SLC36A4: variants seen among roughly 807,000 people sequenced by gnomAD.
The protein encoded by SLC36A4 is solute carrier family 36 member 4.
A neutral mutation model predicts 50.5 loss-of-function variants in SLC36A4; 49 were observed. That is an observed-to-expected ratio of 0.97 (90% confidence interval 0.77 to 1.23). SLC36A4 has a LOEUF of 1.23. SLC36A4 is among the 50% of genes most tolerant of loss of function. SLC36A4 has a pLI of 0.00. For synonymous variants in SLC36A4, 207 were observed against 206.5 expected (o/e 1.00, Z -0.02); for missense variants, 611 against 608.4 (o/e 1.00, Z -0.05).
At chr11:93,186,682 GT>G in intron 1 of SLC36A4, among the ~76,000 whole-genome samples, 1 of 152,030 alleles carries the variant, frequency 6.6e-6, no homozygotes. Flanking sequence ...TACATATGAT[GT>G]TTTTCATACT....
intron 10 of SLC36A4, chr11:93,152,623 A>C (rs555512054): frequency 1.3e-5 from 2 of 152,276 alleles, no homozygotes; most frequent in African/African-American, 2.4e-5. Flanking sequence ...TCATGGAAGC[A>C]GATGTGGCGT....
At chr11:93,177,708 G>T (rs1403993915) in intron 6 of SLC36A4, among the ~76,000 whole-genome samples, 1 of 152,136 alleles carries the variant, frequency 6.6e-6, no homozygotes, top group Admixed American at 6.5e-5. Context: ...AACGGCAAAC[G>T]TTCCTGCCTG....
In SLC36A4 at chr11:93,148,368, AGGTTT is replaced by A; in HGVS notation, c.*164_*168del. 1 of 562,068 alleles carries A rather than the reference AGGTTT, an allele frequency of 1.8e-6. No homozygotes were observed. Among genetic ancestry groups the A allele is most frequent in the Non-Finnish European group, 3.0e-6 (1 of 332,994 alleles). The allele number at this position is 562,068 out of a possible 1,614,324, so 34.8% of individuals were successfully genotyped here. On this transcript the variant is annotated 3_prime_UTR_variant, in exon 11 of 11. Transcript: ENST00000326402. ...ACACTTAAAAGCAAGGATTTTTCATAGGTTTACCACTACTGGTAAAGAGTTATGAT... is the reference window on the plus strand; with the variant it reads ...ACACTTAAAAGCAAGGATTTTTCATAACCACTACTGGTAAAGAGTTATGAT...
Position 93,148,483 on chromosome 11 carries a change from C to G in SLC36A4, c.*54G>C. On this transcript the variant is annotated 3_prime_UTR_variant, in exon 11 of 11. Coordinates refer to ENST00000326402, the MANE Select transcript of SLC36A4 (RefSeq NM_152313.4). Reference sequence around the variant, plus strand: ...TATAGCAATGTATTTTACTAGTTATCTTGATAATTTTCAGAAATGGGACAA... The same window carrying G: ...TATAGCAATGTATTTTACTAGTTATGTTGATAATTTTCAGAAATGGGACAA... 1 of 1,467,980 alleles carries G rather than the reference C, an allele frequency of 6.8e-7. No homozygotes were observed. Among genetic ancestry groups the G allele is most frequent in the Non-Finnish European group, 9.3e-7 (1 of 1,071,150 alleles). The allele number at this position is 1,467,980 out of a possible 1,614,324, so 90.9% of individuals were successfully genotyped here.
At chr11:93,153,092 C>A (rs891802264) in intron 10 of SLC36A4, among the ~76,000 whole-genome samples, 1 of 152,048 alleles carries the variant, frequency 6.6e-6, no homozygotes, top group Non-Finnish European at 1.5e-5. Flanking sequence ...ATAATACACT[C>A]AATTCTTTAA....
chr11:93,175,454 C>G (rs1403834680), intron 6 of SLC36A4, among the ~76,000 whole-genome samples: 2 of 151,200 alleles, frequency 1.3e-5, no homozygotes, highest in East Asian at 2.0e-4. Flanking sequence ...TCCTTCAGTT[C>G]TGCTGTGATT....
chr11:93,180,338 C>T, intron 6 of SLC36A4: 5 of 985,076 alleles, frequency 5.1e-6, no homozygotes, highest in South Asian at 4.7e-5. Flanking sequence ...CAAAAAACTA[C>T]AGAAAACTGT....
At chr11:93,156,397 C>A (rs1860362339) in intron 9 of SLC36A4, among the ~76,000 whole-genome samples, 1 of 151,448 alleles carries the variant, frequency 6.6e-6, no homozygotes, top group Admixed American at 6.6e-5. Flanking sequence ...TGAGAAGTGT[C>A]TGTTCACGTC....
intron 8 of SLC36A4, among the ~76,000 whole-genome samples, chr11:93,165,553 A>T (rs563308855): frequency 3.3e-4 from 50 of 152,230 alleles, no homozygotes; most frequent in African/African-American, 1.2e-3. Flanking sequence ...GATTTTTTTT[A>T]AACTGGCCTT....
In SLC36A4 at chr11:93,147,224, T is replaced by C. The variant is rs908595796; in HGVS notation, c.*1313A>G. 5 of 152,150 alleles carry C rather than the reference T, an allele frequency of 3.3e-5. No individual in the cohort carries two copies. The highest frequency in any genetic ancestry group is 1.2e-4 in the African/African-American group (5 of 41,430). The allele number at this position is 152,150 out of a possible 1,614,324, so 9.4% of individuals were successfully genotyped here. ...GGTCTCAAGCTCCTGGCCTCTCAAG[T>C]GATCCTCCCAACTTATCCTCCAGAG... On this transcript the variant is annotated 3_prime_UTR_variant, in exon 11 of 11. Coordinates refer to ENST00000326402, the MANE Select transcript of SLC36A4 (RefSeq NM_152313.4).
intron 4 of SLC36A4, 38 bp downstream of exon 4, chr11:93,182,768 A>G (rs369604664): frequency 1.5e-5 from 21 of 1,444,824 alleles, no homozygotes; most frequent in Non-Finnish European, 1.9e-5. Context: ...AATAAAAGAT[A>G]GCTTTAAAAT....
chr11:93,155,953 C>T (rs1199567892), intron 9 of SLC36A4, among the ~76,000 whole-genome samples: 1 of 152,110 alleles, frequency 6.6e-6, no homozygotes, highest in African/African-American at 2.4e-5. Flanking sequence ...ATATGTACCA[C>T]ATCTTCTTTA....
At chr11:93,176,302 T>C (rs968399604) in intron 6 of SLC36A4, among the ~76,000 whole-genome samples, 3 of 150,440 alleles carry the variant, frequency 2.0e-5, no homozygotes, top group East Asian at 3.9e-4. Context: ...ATTTGCTTGG[T>C]AGATCTTCCT....
At chr11:93,162,929 A>G (rs1248449401) in intron 8 of SLC36A4, 54 bp from the exon 9 acceptor site, 1 of 1,533,374 alleles carries the variant, frequency 6.5e-7, no homozygotes, top group Admixed American at 1.9e-5. Context: ...TTTAAAAATA[A>G]CAGTGTCTCT....
intron 10 of SLC36A4, 66 bp from the exon 11 acceptor site, chr11:93,148,910 T>G (rs1272888165): frequency 1.5e-6 from 2 of 1,378,628 alleles, no homozygotes; most frequent in Non-Finnish European, 2.0e-6. Flanking sequence ...ATATTAACAG[T>G]AAGTATTTTC....
At chr11:93,179,651 T>C (rs530173158) in intron 6 of SLC36A4, among the ~76,000 whole-genome samples, 4 of 152,304 alleles carry the variant, frequency 2.6e-5, no homozygotes, top group African/African-American at 9.6e-5. Context: ...CTATGAACTC[T>C]TTTATAAAAG....
intron 10 of SLC36A4, chr11:93,152,007 C>G (rs1860110713): frequency 6.6e-6 from 1 of 151,998 alleles, no homozygotes; most frequent in Non-Finnish European, 1.5e-5. Flanking sequence ...GAGTCTGAAT[C>G]ATTTCTAAAG....
At chr11:93,159,801 T>A in intron 9 of SLC36A4, 2 of 984,870 alleles carry the variant, frequency 2.0e-6, no homozygotes, top group Non-Finnish European at 2.4e-6. Context: ...CTCTAATCCA[T>A]ACTTGCTTTA....
chr11:93,196,692 A>G (rs985887646), intron 1 of SLC36A4, among the ~76,000 whole-genome samples: 1 of 152,214 alleles, frequency 6.6e-6, no homozygotes, highest in Non-Finnish European at 1.5e-5. Flanking sequence ...TTAAGGCTAA[A>G]TATATTATCC....
Sources: allele counts gnomAD v4.1 joint callset (sites outside exome capture counted in the v4.1 genomes callset), GRCh38; gene constraint gnomAD v4.1.1; transcripts MANE v1.5; gene names NCBI Gene and HGNC (gene_info 2026-07-23, HGNC 2026-07-21).